Variants in COL22A1 observed in about 807,000 individuals in gnomAD.
COL22A1 encodes collagen alpha-1(XXII) chain.
A neutral mutation model predicts 248.9 loss-of-function variants in COL22A1; 221 were observed. That is an observed-to-expected ratio of 0.89 (90% CI 0.80 to 0.99). COL22A1 has a LOEUF of 0.99. COL22A1 is among the 50% of genes least tolerant of loss of function. COL22A1 has a pLI of 0.00. For synonymous variants in COL22A1, 891 were observed against 793.4 expected (o/e 1.12, Z -2.07); for missense variants, 2,240 against 2,179.0 (o/e 1.03, Z -0.56).
chr8:138,837,641 G>A (rs1010768353), intron 4 of COL22A1, among the ~76,000 whole-genome samples: 4 of 152,174 alleles, frequency 2.6e-5, no homozygotes, highest in East Asian at 1.9e-4. Flanking sequence ...CCCTGTATTG[G>A]GGCCTCTGTG....
intron 12 of COL22A1, among the ~76,000 whole-genome samples, chr8:138,783,455 G>A (rs1815224293): frequency 6.6e-6 from 1 of 152,112 alleles, no homozygotes; most frequent in Admixed American, 6.6e-5. Context: ...CAGCATGGGA[G>A]AAAGATGGAG....
intron 56 of COL22A1, among the ~76,000 whole-genome samples, chr8:138,610,170 T>A (rs1186881111): frequency 6.6e-6 from 1 of 152,184 alleles, no homozygotes; most frequent in African/African-American, 2.4e-5. Context: ...CCATTTCTCA[T>A]CCGTGAATGC....
intron 46 of COL22A1, among the ~76,000 whole-genome samples, chr8:138,648,645 T>C (rs530030446): frequency 6.6e-6 from 1 of 152,220 alleles, no homozygotes; most frequent in Non-Finnish European, 1.5e-5. Flanking sequence ...GATCCATCTC[T>C]GTGAAATATG....
chr8:138,647,686 AG>A (rs1822329041), intron 46 of COL22A1, among the ~76,000 whole-genome samples: 1 of 152,212 alleles, frequency 6.6e-6, no homozygotes, highest in African/African-American at 2.4e-5. Flanking sequence ...CCCAGGTGGG[AG>A]GGTGGGGGTT....
chr8:138,720,809 G>A lies in COL22A1; in HGVS notation c.2302-17C>T, dbSNP rs1403780190. On this transcript the variant is annotated splice_polypyrimidine_tract_variant and intron_variant, in intron 26 of 64. Transcript: ENST00000303045. ...TGGTTCTCCCTGGAAGGAATACAGA[G>A]CAAAGTTAACAGGAGACGGGCCATG... is the stretch of plus-strand genomic sequence containing the variant. 1.2e-6 allele frequency: 2 copies of A among 1,607,310 alleles called. No homozygotes were observed. Among genetic ancestry groups the A allele is most frequent in the Non-Finnish European group, 1.7e-6 (2 of 1,174,340 alleles).
intron 50 of COL22A1, among the ~76,000 whole-genome samples, chr8:138,628,677 G>A (rs1820454722): frequency 6.6e-6 from 1 of 152,112 alleles, no homozygotes; most frequent in Non-Finnish European, 1.5e-5. Flanking sequence ...ATAGCTTGAG[G>A]AGTGGTCCCA....
intron 56 of COL22A1, among the ~76,000 whole-genome samples, chr8:138,612,230 C>T (rs1180515597): frequency 1.3e-5 from 2 of 152,166 alleles, no homozygotes; most frequent in Non-Finnish European, 2.9e-5. Context: ...CTACAATGAG[C>T]ATGAATTATA....
intron 25 of COL22A1, among the ~76,000 whole-genome samples, chr8:138,722,887 T>G (rs1830004031): frequency 8.7e-5 from 10 of 114,608 alleles, no homozygotes; most frequent in Non-Finnish European, 1.3e-4. Context: ...CTGGGGCCTG[T>G]TGGGGTGTGG....
intron 23 of COL22A1, among the ~76,000 whole-genome samples, chr8:138,727,787 C>T (rs964857151): frequency 6.6e-6 from 1 of 152,138 alleles, no homozygotes; most frequent in East Asian, 1.9e-4. Context: ...GCTGGAGCAA[C>T]GGAGGGGCAG....
At chr8:138,613,262 G>C (rs1343254156) in intron 56 of COL22A1, among the ~76,000 whole-genome samples, 1 of 151,144 alleles carries the variant, frequency 6.6e-6, no homozygotes, top group African/African-American at 2.4e-5. Flanking sequence ...AAAAAAAAAA[G>C]GAAGGGGTGG....
intron 30 of COL22A1, among the ~76,000 whole-genome samples, chr8:138,704,718 G>A (rs12548893): frequency 2.2e-4 from 33 of 152,002 alleles, no homozygotes; most frequent in Non-Finnish European, 3.4e-4. Context: ...AGAGCGCCTC[G>A]CCTCCTCCAA....
chr8:138,856,970 C>T (rs1326982917), intron 3 of COL22A1, among the ~76,000 whole-genome samples: 1 of 152,220 alleles, frequency 6.6e-6, no homozygotes, highest in East Asian at 1.9e-4. Context: ...TGCATGTCCC[C>T]ATCCCACTCT....
chr8:138,735,511 A>G (rs1341748010), intron 23 of COL22A1, among the ~76,000 whole-genome samples: 1 of 152,246 alleles, frequency 6.6e-6, no homozygotes, highest in Admixed American at 6.5e-5. Context: ...CCAGAAAACA[A>G]ACAAAGAGTT....
At position 138,615,363 on chromosome 8, in the gene COL22A1, T is replaced by C. The variant is rs182860431; in HGVS notation, c.3924+638A>G. ...CTGACCAACAAGGTGAAACTCTGTC[T>C]CAACTAAAAATACAAAAATTAGCTG... On this transcript the variant is annotated intron_variant, in intron 55 of 64. Coordinates refer to ENST00000303045, the MANE Select transcript of COL22A1 (RefSeq NM_152888.3). Among the ~76,000 whole-genome samples, 32 of 152,118 alleles carry C rather than the reference T, an allele frequency of 2.1e-4. No homozygotes were observed. The East Asian group carries it at 6.2e-3, about 29-fold the overall frequency.
rs773033974 is a variant in COL22A1, at chr8:138,589,378, C to G, written c.4756G>C (p.Glu1586Gln). 1 of 1,606,176 alleles carries G rather than the reference C, an allele frequency of 6.2e-7. No homozygotes were observed. The highest frequency in any genetic ancestry group is 8.5e-7 in the Non-Finnish European group (1 of 1,176,156). ...GLPGIPGPQG[E>Q]TGPAGHPGLP... ...CCAGGATGTCCAGCTGGTCCTGTCTCCCCTTGAGGGCCAGGGATCCCAGGA... is the reference window on the plus strand; with the variant it reads ...CCAGGATGTCCAGCTGGTCCTGTCTGCCCTTGAGGGCCAGGGATCCCAGGA... The change falls in exon 65 of 65, where the codon GAG (glutamate) becomes CAG (glutamine). Residue 1586 changes from glutamate to glutamine, a missense_variant. Coordinates refer to ENST00000303045, the MANE Select transcript of COL22A1 (RefSeq NM_152888.3).
intron 5 of COL22A1, among the ~76,000 whole-genome samples, chr8:138,830,987 A>C (rs945262884): frequency 6.6e-6 from 1 of 152,198 alleles, no homozygotes; most frequent in African/African-American, 2.4e-5. Flanking sequence ...TTGTCTGGGA[A>C]AATGACTCTC....
chr8:138,599,702 G>A (rs189205868), intron 60 of COL22A1, among the ~76,000 whole-genome samples: 3 of 152,196 alleles, frequency 2.0e-5, no homozygotes, highest in East Asian at 1.9e-4. Flanking sequence ...TCTAGCCTGC[G>A]TGACAGAGTG....
At chr8:138,805,992 TGGTGTGTGTGTGTGAC>T in intron 10 of COL22A1, among the ~76,000 whole-genome samples, 2 of 67,632 alleles carry the variant, frequency 3.0e-5, no homozygotes, top group Admixed American at 1.7e-4. Flanking sequence ...TTGTGTGTGA[TGGTGTGTGTGTGTGAC>T]GGTGTAGGTA....
intron 32 of COL22A1, among the ~76,000 whole-genome samples, chr8:138,697,626 G>A (rs1827614786): frequency 6.6e-6 from 1 of 152,174 alleles, no homozygotes; most frequent in African/African-American, 2.4e-5. Flanking sequence ...GTCCCAGAGA[G>A]GGTGACAAAA....
Sources: gnomAD v4.1 joint callset for allele counts (sites outside exome capture counted in the v4.1 genomes callset) on GRCh38, gnomAD v4.1.1 for gene constraint, MANE v1.5 for transcripts, NCBI Gene and HGNC (gene_info 2026-07-23, HGNC 2026-07-21) for gene names.